The following TSPEAR variants were observed in gnomAD, a reference collection of about 807,000 sequenced individuals.
TSPEAR encodes the protein thrombospondin type laminin G domain and EAR repeats, also known as thrombospondin-type laminin G domain and EAR repeat-containing protein.
In TSPEAR, 69 loss-of-function variants were observed where a neutral mutation model predicts 71.6. That is an observed-to-expected ratio of 0.96 (90% CI 0.79 to 1.18). The LOEUF (loss-of-function observed/expected upper bound fraction) is 1.18, where lower values mean the gene tolerates loss of function less well. TSPEAR is among the 50% of genes most tolerant of loss of function. The pLI, the probability that TSPEAR is intolerant of heterozygous loss-of-function variation, is 0.00. For missense variants in TSPEAR, 971 were observed against 894.9 expected (o/e 1.09, Z -1.09); for synonymous variants, 402 against 387.2 (o/e 1.04, Z -0.45).
chr21:44,510,010 C>T (rs972384729), intron 9 of TSPEAR: 3 of 152,848 alleles, frequency 2.0e-5, no homozygotes, highest in African/African-American at 4.8e-5. Context: ...AGACAGAAGC[C>T]ATCTCTGGGT....
intron 8 of TSPEAR, among the ~76,000 whole-genome samples, chr21:44,524,967 GCAGTCAGT>G (rs60191742): frequency 1.3e-5 from 2 of 150,368 alleles, no homozygotes; most frequent in East Asian, 2.0e-4. Flanking sequence ...ACTCTTTGAG[GCAGTCAGT>G]CAGTCAGTCA....
Position 44,533,759 on chromosome 21 carries a change from GC to G in TSPEAR, c.467del (p.Arg156ProfsTer26). 6.2e-7 allele frequency: 1 copy of G among 1,612,476 alleles called. No individual in the cohort carries two copies. The highest frequency in any genetic ancestry group is 8.5e-7 in the Non-Finnish European group (1 of 1,179,886). The stretch of plus-strand genomic sequence containing the variant: ...ACACAGCCAGGACCAGTGTGTGCCA[GC>G]GGCCATCCACCAGGGCCGGGCTGCG... ...SFRSPALVDG[R>X]WHTLVLAVSA... On this transcript the variant is annotated frameshift_variant, in exon 3 of 12. Coordinates refer to ENST00000323084, the MANE Select transcript of TSPEAR (RefSeq NM_144991.3). LOFTEE classifies it high-confidence loss of function.
At chr21:44,512,492 G>A (rs587718102) in intron 9 of TSPEAR, among the ~76,000 whole-genome samples, 4 of 152,262 alleles carry the variant, frequency 2.6e-5, no homozygotes, top group African/African-American at 9.6e-5. Flanking sequence ...TATTTCCCTA[G>A]GCATGGGTGG....
chr21:44,588,826 A>G (rs1979539908), intron 1 of TSPEAR, among the ~76,000 whole-genome samples: 1 of 151,590 alleles, frequency 6.6e-6, no homozygotes, highest in African/African-American at 2.4e-5. Context: ...AGTAATAAAA[A>G]GAAATGAATT....
intron 1 of TSPEAR, among the ~76,000 whole-genome samples, chr21:44,689,739 A>ATTTTT (rs1420649057): frequency 1.6e-5 from 2 of 128,172 alleles, no homozygotes; most frequent in African/African-American, 6.3e-5. Flanking sequence ...ATATATATAT[A>ATTTTT]TTTTGGGGGG....
chr21:44,601,835 G>A, intron 1 of TSPEAR: 2 of 1,472,098 alleles, frequency 1.4e-6, no homozygotes, highest in Non-Finnish European at 1.8e-6. Context: ...CCTAAGCCCT[G>A]CAGTGGACGT....
chr21:44,574,417 C>T, intron 1 of TSPEAR: 1 of 1,603,622 alleles, frequency 6.2e-7, no homozygotes, highest in Non-Finnish European at 8.5e-7. Context: ...GCTTGCTGCA[C>T]CTCCTCCTCC....
At position 44,710,855 on chromosome 21, in the gene TSPEAR, A is replaced by G. The variant is rs1988184120; in HGVS notation, c.82+578T>C. Among the ~76,000 whole-genome samples the G allele has an allele frequency of 6.6e-6, 1 of 152,244 alleles. No individual in the cohort carries two copies. Among genetic ancestry groups the G allele is most frequent in the South Asian group, 2.1e-4 (1 of 4,830 alleles). On this transcript the variant is annotated intron_variant, in intron 1 of 11. Coordinates refer to ENST00000323084, the MANE Select transcript of TSPEAR (RefSeq NM_144991.3). The surrounding 1 kb of genome is among the most constrained non-coding windows in gnomAD (Gnocchi z 4.6). ...CCCCCAGGCTTCGCCAGGACCCCCC[A>G]GTGAGCCAGCCCAGGGCTCTCCACT... is the stretch of plus-strand genomic sequence containing the variant.
chr21:44,577,912 T>C (rs941367137), intron 1 of TSPEAR, among the ~76,000 whole-genome samples: 13 of 152,178 alleles, frequency 8.5e-5, no homozygotes, highest in Admixed American at 2.6e-4. Flanking sequence ...AGGCACCTGG[T>C]GGGAGGTAAT....
chr21:44,504,421 G>T (rs1294682516), intron 11 of TSPEAR, among the ~76,000 whole-genome samples: 7 of 137,848 alleles, frequency 5.1e-5, no homozygotes, highest in Admixed American at 2.2e-4. Context: ...GCAAGGCTCT[G>T]GGAGGAAGCT....
At chr21:44,539,238 C>T (rs782011033) in intron 2 of TSPEAR, 10 of 1,572,876 alleles carry the variant, frequency 6.4e-6, no homozygotes, top group Non-Finnish European at 3.4e-6. Context: ...AGGTCAGGAA[C>T]TGAGCCCAGC....
chr21:44,693,545 G>T (rs782445046), intron 1 of TSPEAR, among the ~76,000 whole-genome samples: 6 of 152,082 alleles, frequency 3.9e-5, no homozygotes, highest in Non-Finnish European at 7.4e-5. Flanking sequence ...GTATGCAAAT[G>T]GCCAATAAGT....
rs146959429 is a variant in TSPEAR at position 44,517,360 on chromosome 21, C to T, written c.1566+4523G>A. On this transcript the variant is annotated intron_variant, in intron 9 of 11. Transcript: ENST00000323084. ...CCACAGGTCTCAGACTGACAGGAGA[C>T]TGGGTCATATGACCAGCACTAGCCA... 120 of 165,650 alleles carry T rather than the reference C, an allele frequency of 7.2e-4. 1 individual carries two copies. The East Asian group carries it at 0.019, about 27-fold the overall frequency. 10.3% of individuals were successfully genotyped at this position (165,650 alleles called of 1,614,324 possible). A position where few individuals can be genotyped will look rare whatever the true frequency, so the allele number is the denominator to read the frequency against.
intron 1 of TSPEAR, among the ~76,000 whole-genome samples, chr21:44,672,584 A>AG (rs143676635): frequency 6.7e-6 from 1 of 149,448 alleles, no homozygotes; most frequent in Non-Finnish European, 1.5e-5. Flanking sequence ...CAAAAAAAAA[A>AG]GAAAACCTAT....
At chr21:44,524,488 TAGTTAGTC>T (rs2052806028) in intron 8 of TSPEAR, among the ~76,000 whole-genome samples, 1 of 150,264 alleles carries the variant, frequency 6.7e-6, no homozygotes, top group Non-Finnish European at 1.5e-5. Context: ...GTCAGTCAGG[TAGTTAGTC>T]AGGTAGTCAG....
In TSPEAR at chr21:44,677,690, CTTTTGT is replaced by C. The variant is rs1461582939; in HGVS notation, c.82+33737_82+33742del. On this transcript the variant is annotated intron_variant, in intron 1 of 11. Coordinates refer to ENST00000323084, the MANE Select transcript of TSPEAR (RefSeq NM_144991.3). ...CGGTTGCTGAAGCTGGAGTATCTCC[CTTTTGT>C]TTTTGGAGTTGTGAGGCAGGCTGTT... 9.2e-6 allele frequency: 13 copies of C among 1,419,272 alleles called. No individual in the cohort carries two copies. The Admixed American group carries it at 2.2e-4, about 24-fold the overall frequency. The allele number at this position is 1,419,272 out of a possible 1,614,324, so 87.9% of individuals were successfully genotyped here. A position where few individuals can be genotyped will look rare whatever the true frequency, so the allele number is the denominator to read the frequency against.
At chr21:44,586,826 G>A (rs1213338097) in intron 1 of TSPEAR, among the ~76,000 whole-genome samples, 2 of 152,218 alleles carry the variant, frequency 1.3e-5, no homozygotes, top group Non-Finnish European at 2.9e-5. Context: ...AAAAGCTTTC[G>A]ACAAAATCCA....
intron 1 of TSPEAR, among the ~76,000 whole-genome samples, chr21:44,688,132 T>C (rs1986943880): frequency 6.6e-6 from 1 of 152,174 alleles, no homozygotes; most frequent in African/African-American, 2.4e-5. Context: ...AATGTTTTCA[T>C]AAAAAATAGA....
chr21:44,631,267 T>G (rs1290712629), intron 1 of TSPEAR, among the ~76,000 whole-genome samples: 3 of 152,092 alleles, frequency 2.0e-5, no homozygotes, highest in Non-Finnish European at 4.4e-5. Context: ...AGAGAGATTA[T>G]AAAGAGGAAT....
Sources: allele counts gnomAD v4.1 joint callset (sites outside exome capture counted in the v4.1 genomes callset), GRCh38; gene constraint gnomAD v4.1.1; non-coding constraint Gnocchi (gnomAD v3.1); transcripts MANE v1.5; gene names NCBI Gene and HGNC (gene_info 2026-07-23, HGNC 2026-07-21).